NAV3: variants seen among roughly 807,000 people sequenced by gnomAD.
The protein encoded by NAV3 is pore membrane and/or filament interacting like protein 1.
In NAV3, 87 loss-of-function variants were observed where a neutral mutation model predicts 244.7. The observed-to-expected ratio is 0.36, with a 90% confidence interval of 0.30 to 0.42. The LOEUF (loss-of-function observed/expected upper bound fraction) is 0.42. NAV3 is among the 20% of genes least tolerant of loss of function. NAV3 has a pLI of 1.00. For synonymous variants in NAV3, 1,126 were observed against 1,042.2 expected, an observed-to-expected ratio of 1.08 and a Z score of -1.55; for missense variants, 2,663 against 2,893.3, an observed-to-expected ratio of 0.92 and a Z score of 1.83.
At chr12:77,748,330 A>C (rs1413088419) in intron 2 of NAV3, among the ~76,000 whole-genome samples, 2 of 152,200 alleles carry the variant, frequency 1.3e-5, no homozygotes, top group Non-Finnish European at 2.9e-5. Flanking sequence ...CTGTGGTTTG[A>C]TTTACTTGCT....
At chr12:77,582,069 G>A (rs1037938318) in intron 2 of NAV3, among the ~76,000 whole-genome samples, 3 of 152,138 alleles carry the variant, frequency 2.0e-5, no homozygotes, top group African/African-American at 7.2e-5. Flanking sequence ...GTCCACATGA[G>A]GGACAGGGAC....
At chr12:77,653,789 AAC>A (rs1468600623) in intron 2 of NAV3, among the ~76,000 whole-genome samples, 1 of 151,988 alleles carries the variant, frequency 6.6e-6, no homozygotes, top group Non-Finnish European at 1.5e-5. Flanking sequence ...CTTACATATA[AAC>A]ACATATAATA....
intron 2 of NAV3, among the ~76,000 whole-genome samples, chr12:77,756,149 A>G (rs1869165549): frequency 6.6e-6 from 1 of 152,156 alleles, no homozygotes; most frequent in Admixed American, 6.6e-5. Flanking sequence ...ATGATATAAT[A>G]TATACAAAGA....
intron 22 of NAV3, among the ~76,000 whole-genome samples, chr12:78,152,288 A>T (rs1255794589): frequency 6.6e-6 from 1 of 151,780 alleles, no homozygotes; most frequent in Non-Finnish European, 1.5e-5. Flanking sequence ...TTTTAGACTA[A>T]TGCAGTATCT....
At chr12:77,867,135 C>T (rs1014422399) in intron 1 of NAV3, among the ~76,000 whole-genome samples, 1 of 152,154 alleles carries the variant, frequency 6.6e-6, no homozygotes, top group African/African-American at 2.4e-5. Context: ...TCATAATTCC[C>T]ATGTGTTATG....
At chr12:77,740,047 G>C (rs1357634469) in intron 2 of NAV3, among the ~76,000 whole-genome samples, 1 of 152,120 alleles carries the variant, frequency 6.6e-6, no homozygotes, top group Admixed American at 6.5e-5. Flanking sequence ...AAATGTACAA[G>C]CTTTGATATT....
chr12:77,904,558 G>C (rs999386010), intron 1 of NAV3, among the ~76,000 whole-genome samples: 28 of 152,138 alleles, frequency 1.8e-4, no homozygotes, highest in Admixed American at 1.6e-3. Context: ...ACGAGTTAAT[G>C]GGTGCAGCAC....
At chr12:77,760,413 G>A (rs555162523) in intron 2 of NAV3, among the ~76,000 whole-genome samples, 21 of 152,284 alleles carry the variant, frequency 1.4e-4, no homozygotes, top group African/African-American at 4.3e-4. Context: ...TGTGAATTTC[G>A]AAGGAGAACG....
Position 78,151,418 on chromosome 12 carries a change from G to C in NAV3, c.4785+2499G>C, listed in dbSNP as rs11108489. Among the ~76,000 whole-genome samples the C allele has an allele frequency of 5.5e-4, 84 of 152,046 alleles. No homozygotes were observed. The East Asian group carries it at 0.013, about 23-fold the overall frequency. ...ATAGGCCAGTTAATAAACAAATTCT[G>C]ATACATCTATATCATGGACTACTAC... On this transcript the variant is annotated intron_variant, in intron 22 of 39. Coordinates refer to ENST00000397909, the MANE Select transcript of NAV3 (RefSeq NM_001024383.2).
At chr12:77,904,729 C>T (rs1003545970) in intron 1 of NAV3, among the ~76,000 whole-genome samples, 11 of 152,246 alleles carry the variant, frequency 7.2e-5, no homozygotes, top group African/African-American at 2.6e-4. Context: ...CAGAAGGACA[C>T]AGCAGTATTT....
intron 2 of NAV3, among the ~76,000 whole-genome samples, chr12:77,578,454 G>T (rs1368193700): frequency 6.6e-6 from 1 of 152,094 alleles, no homozygotes; most frequent in Admixed American, 6.5e-5. Context: ...TCCCTTCCCA[G>T]TATTTCCTGG....
At chr12:78,158,666 A>G (rs1358999818) in intron 22 of NAV3, among the ~76,000 whole-genome samples, 1 of 152,160 alleles carries the variant, frequency 6.6e-6, no homozygotes, top group Non-Finnish European at 1.5e-5. Flanking sequence ...ACTCTTTTCA[A>G]TTCAATTCTT....
chr12:78,129,058 T>G (rs1270263509), intron 18 of NAV3, among the ~76,000 whole-genome samples, 192 bp downstream of exon 18: 1 of 152,198 alleles, frequency 6.6e-6, no homozygotes, highest in Non-Finnish European at 1.5e-5. Context: ...TATTTATTGC[T>G]CATGACAAAT....
At chr12:77,780,420 GAC>G (rs1870605330) in intron 2 of NAV3, among the ~76,000 whole-genome samples, 1 of 152,086 alleles carries the variant, frequency 6.6e-6, no homozygotes, top group Non-Finnish European at 1.5e-5. Flanking sequence ...CAACAAGCGA[GAC>G]AGATTTTATT....
chr12:78,082,305 G>A (rs997795827), intron 12 of NAV3, among the ~76,000 whole-genome samples: 4 of 152,048 alleles, frequency 2.6e-5, no homozygotes, highest in African/African-American at 7.2e-5. Flanking sequence ...TGGCTTAAGG[G>A]CACGTATTAA....
chr12:77,821,981 T>A (rs1010935685), intron 2 of NAV3, among the ~76,000 whole-genome samples: 1 of 152,168 alleles, frequency 6.6e-6, no homozygotes, highest in African/African-American at 2.4e-5. Flanking sequence ...ATCCAATGAT[T>A]TTGTTTTAAT....
chr12:77,843,536 A>T (rs1876083286), intron 1 of NAV3, among the ~76,000 whole-genome samples: 1 of 150,378 alleles, frequency 6.6e-6, no homozygotes. Flanking sequence ...TTTTTTTTTT[A>T]GGAATCTATA....
rs373166688 is a variant in NAV3 at position 78,137,373 on chromosome 12, T to C, written c.4630+8T>C. 2.6e-4 allele frequency: 418 copies of C among 1,599,050 alleles called. No individual in the cohort carries two copies. The highest frequency in any genetic ancestry group is 3.3e-4 in the Non-Finnish European group (392 of 1,174,580). On this transcript the variant is annotated splice_region_variant and intron_variant, in intron 19 of 39. Coordinates refer to ENST00000397909, the MANE Select transcript of NAV3 (RefSeq NM_001024383.2). ...GAGACAGCATGGAAGAAGGTAAGCG[T>C]TGAGGGGGATTAAAGATGAAGTCAC...
intron 12 of NAV3, among the ~76,000 whole-genome samples, chr12:78,085,773 G>A (rs1260305695): frequency 6.6e-6 from 1 of 151,938 alleles, no homozygotes; most frequent in African/African-American, 2.4e-5. Flanking sequence ...AGATTATTTG[G>A]GAACACAGCA....
Sources: gnomAD v4.1 joint callset for allele counts (sites outside exome capture counted in the v4.1 genomes callset) on GRCh38, gnomAD v4.1.1 for gene constraint, MANE v1.5 for transcripts, NCBI Gene and HGNC (gene_info 2026-07-23, HGNC 2026-07-21) for gene names.